ITPR2: variants seen among roughly 807,000 people sequenced by gnomAD.
The protein encoded by ITPR2 is inositol 1,4,5-trisphosphate receptor type 2, also known as inositol 1,4,5-trisphosphate-gated calcium channel ITPR2.
ITPR2 carries 207 observed loss-of-function variants against 317.1 expected under a neutral mutation model. The ratio of observed to expected loss-of-function variants is 0.65; its 90% confidence interval spans 0.58 to 0.73. The LOEUF is 0.73. Among genes scored for constraint, ITPR2 ranks in the 30% least tolerant of loss-of-function variants. ITPR2 has a pLI of 0.00. For missense variants in ITPR2, 2,613 were observed against 3,284.0 expected (o/e 0.80, Z 4.99); for synonymous variants, 1,156 against 1,149.1 (o/e 1.01, Z -0.12).
At chr12:26,429,551 G>A (rs772870888) in intron 48 of ITPR2, among the ~76,000 whole-genome samples, 5 of 152,122 alleles carry the variant, frequency 3.3e-5, no homozygotes, top group Non-Finnish European at 5.9e-5. Context: ...ATCTCAAAGA[G>A]CCATAGAGTA....
chr12:26,585,356 T>G (rs1367038872), intron 32 of ITPR2, among the ~76,000 whole-genome samples: 1 of 152,206 alleles, frequency 6.6e-6, no homozygotes, highest in East Asian at 1.9e-4. Context: ...TATAATAATT[T>G]ATTTAACCGT....
At chr12:26,513,748 TCACACACACACA>T (rs3056894) in intron 37 of ITPR2, among the ~76,000 whole-genome samples, 4 of 149,422 alleles carry the variant, frequency 2.7e-5, no homozygotes, top group East Asian at 2.0e-4. Context: ...TTGCCAATTA[TCACACACACACA>T]CACACACACA....
At chr12:26,675,274 A>G (rs865991994) in intron 13 of ITPR2, among the ~76,000 whole-genome samples, 1 of 152,242 alleles carries the variant, frequency 6.6e-6, no homozygotes, top group Non-Finnish European at 1.5e-5. Context: ...ACTATTCACA[A>G]TAGCAAAGAC....
intron 21 of ITPR2, among the ~76,000 whole-genome samples, chr12:26,633,164 T>C (rs1591982101): frequency 6.7e-6 from 1 of 148,410 alleles, no homozygotes; most frequent in African/African-American, 2.5e-5. Context: ...AACTCTGAGC[T>C]CTAAGAGAAG....
intron 1 of ITPR2, among the ~76,000 whole-genome samples, chr12:26,811,641 G>A (rs1480472833): frequency 2.1e-5 from 3 of 144,774 alleles, no homozygotes; most frequent in African/African-American, 7.7e-5. Context: ...GAGCCGAGAT[G>A]ACGCCACTGC....
chr12:26,666,650 G>C (rs942703256), intron 13 of ITPR2, among the ~76,000 whole-genome samples: 3 of 152,166 alleles, frequency 2.0e-5, no homozygotes, highest in Non-Finnish European at 4.4e-5. Flanking sequence ...AATAGAGACA[G>C]AGTAAGCAAT....
intron 10 of ITPR2, among the ~76,000 whole-genome samples, chr12:26,693,898 G>A (rs1354118491): frequency 6.6e-6 from 1 of 152,100 alleles, no homozygotes; most frequent in Non-Finnish European, 1.5e-5. Context: ...TATCCTCATG[G>A]CATGCAGGTG....
At chr12:26,373,452 T>C (rs1939246693) in intron 55 of ITPR2, 1 of 152,224 alleles carries the variant, frequency 6.6e-6, no homozygotes, top group Non-Finnish European at 1.5e-5. Flanking sequence ...CAGGTACCTT[T>C]GCAAATAAAC....
chr12:26,615,224 C>T (rs140175784), intron 26 of ITPR2, among the ~76,000 whole-genome samples: 2 of 152,096 alleles, frequency 1.3e-5, no homozygotes, highest in Non-Finnish European at 2.9e-5. Context: ...ATCGGATCTC[C>T]GAGTTACCAC....
chr12:26,438,670 G>A (rs1486226087), intron 47 of ITPR2, among the ~76,000 whole-genome samples: 1 of 152,150 alleles, frequency 6.6e-6, no homozygotes, highest in Non-Finnish European at 1.5e-5. Flanking sequence ...TTGATTTGGG[G>A]AGGTAAAGAT....
intron 1 of ITPR2, among the ~76,000 whole-genome samples, chr12:26,799,578 A>G (rs1288485311): frequency 6.6e-6 from 1 of 152,228 alleles, no homozygotes; most frequent in Non-Finnish European, 1.5e-5. Context: ...GATTTCAGAG[A>G]GGATTTGCCC....
intron 37 of ITPR2, among the ~76,000 whole-genome samples, chr12:26,520,303 C>T (rs1235605169): frequency 6.6e-6 from 1 of 152,092 alleles, no homozygotes; most frequent in Non-Finnish European, 1.5e-5. Flanking sequence ...AGGGAGATTG[C>T]AGGCAATCTG....
chr12:26,753,935 T>C (rs528334040), intron 2 of ITPR2, among the ~76,000 whole-genome samples: 18 of 152,338 alleles, frequency 1.2e-4, no homozygotes, highest in South Asian at 1.0e-3. Context: ...CTTGTCACAA[T>C]GGCAGCCTAG....
chr12:26,753,702 C>G (rs1949470134), intron 2 of ITPR2, among the ~76,000 whole-genome samples: 1 of 152,198 alleles, frequency 6.6e-6, no homozygotes, highest in African/African-American at 2.4e-5. Flanking sequence ...TGTAACAAAT[C>G]CGGTCTGCTT....
intron 25 of ITPR2, among the ~76,000 whole-genome samples, chr12:26,621,656 G>T (rs551791559): frequency 1.3e-5 from 2 of 151,920 alleles, no homozygotes; most frequent in Non-Finnish European, 2.9e-5. Context: ...ATACATATAC[G>T]TATTTGATGT....
intron 2 of ITPR2, among the ~76,000 whole-genome samples, chr12:26,728,383 T>A (rs1948970220): frequency 6.6e-6 from 1 of 152,062 alleles, no homozygotes; most frequent in African/African-American, 2.4e-5. Flanking sequence ...AAGTACAAAG[T>A]CTTGGGTTTC....
intron 54 of ITPR2, 28 bp from the exon 55 acceptor site, chr12:26,387,622 G>A (rs1939703211): frequency 6.2e-7 from 1 of 1,601,730 alleles, no homozygotes. Flanking sequence ...CACAATATAT[G>A]TAATTCGTCA....
At chr12:26,690,595 T>C (rs1233077366) in intron 10 of ITPR2, among the ~76,000 whole-genome samples, 1 of 152,248 alleles carries the variant, frequency 6.6e-6, no homozygotes, top group East Asian at 1.9e-4. Flanking sequence ...CTCCTGCATT[T>C]ATCCCTCTTT....
At chr12:26,576,646 G>C (rs758101889) in intron 34 of ITPR2, among the ~76,000 whole-genome samples, 19 of 152,182 alleles carry the variant, frequency 1.2e-4, no homozygotes, top group Non-Finnish European at 2.5e-4. Flanking sequence ...GAGTGAGGAG[G>C]GTGTCCATGC....
Sources: allele counts gnomAD v4.1 joint callset (sites outside exome capture counted in the v4.1 genomes callset), GRCh38; gene constraint gnomAD v4.1.1; transcripts MANE v1.5; gene names NCBI Gene and HGNC (gene_info 2026-07-23, HGNC 2026-07-21).